The following NFX1 variants were observed in gnomAD, a reference collection of about 807,000 sequenced individuals.
NFX1 encodes nuclear transcription factor, X-box binding 1.
In NFX1, 69 loss-of-function variants were observed where a neutral mutation model predicts 137.2. The ratio of observed to expected loss-of-function variants is 0.50; its 90% CI spans 0.41 to 0.61. NFX1 has a LOEUF of 0.61. NFX1 is among the 20% of genes least tolerant of loss of function. NFX1 has a pLI of 0.00. For missense variants in NFX1, 1,167 were observed against 1,391.0 expected (o/e 0.84, Z 2.56); for synonymous variants, 495 against 474.1 (o/e 1.04, Z -0.57).
At chr9:33,318,205 C>T (rs771399317) in intron 7 of NFX1, among the ~76,000 whole-genome samples, 25 of 151,964 alleles carry the variant, frequency 1.6e-4, no homozygotes, top group Non-Finnish European at 1.6e-4. Context: ...TTTTTGGCAA[C>T]GGGGACCTTT....
chr9:33,331,760 T>C lies in NFX1; in HGVS notation c.2005-712T>C, dbSNP rs1381305191. Among the ~76,000 whole-genome samples, 4 of 152,180 alleles carry C rather than the reference T, an allele frequency of 2.6e-5. No individual in the cohort carries two copies. The South Asian group carries it at 6.2e-4, about 24-fold the overall frequency. ...CTTTTAAAGTCATTTTTCTCATTTC[T>C]GAGTACATGGCAACCTGTAAATGAC... On this transcript the variant is annotated intron_variant, in intron 10 of 23. Transcript: ENST00000379540.
intron 19 of NFX1, among the ~76,000 whole-genome samples, chr9:33,362,201 G>A (rs1303994235): frequency 5.3e-5 from 8 of 151,350 alleles, no homozygotes; most frequent in Non-Finnish European, 1.0e-4. Flanking sequence ...CAGCCACTAT[G>A]GAAAACAGTA....
At chr9:33,349,703 C>G (rs599279) in intron 15 of NFX1, among the ~76,000 whole-genome samples, 126,110 of 151,984 alleles carry the variant, frequency 0.83, 52,454 homozygotes, top group Non-Finnish European at 0.84. Context: ...GGGGTTCTAT[C>G]CCCTGTTGTC....
At chr9:33,330,907 G>A (rs1338732971) in intron 10 of NFX1, among the ~76,000 whole-genome samples, 1 of 152,154 alleles carries the variant, frequency 6.6e-6, no homozygotes, top group Non-Finnish European at 1.5e-5. Context: ...GGCTGGGTGT[G>A]GTGGCTCACG....
At chr9:33,363,949 G>A (rs1006679689) in intron 19 of NFX1, 61 bp from the exon 20 acceptor site, 6 of 1,126,454 alleles carry the variant, frequency 5.3e-6, no homozygotes, top group African/African-American at 4.8e-5. Context: ...GGCACTCGGG[G>A]TTACTGCAAG....
chr9:33,325,332 A>G (rs575744565), intron 9 of NFX1, among the ~76,000 whole-genome samples: 3 of 152,316 alleles, frequency 2.0e-5, no homozygotes, highest in Non-Finnish European at 4.4e-5. Flanking sequence ...CATCACAACC[A>G]GAAGGCAGTA....
intron 15 of NFX1, among the ~76,000 whole-genome samples, chr9:33,349,104 G>GT (rs1564140642): frequency 6.6e-6 from 1 of 152,106 alleles, no homozygotes; most frequent in East Asian, 1.9e-4. Flanking sequence ...ACATCAATGT[G>GT]TTATCTTCGT....
At chr9:33,315,097 G>A (rs936029430) in intron 7 of NFX1, among the ~76,000 whole-genome samples, 1 of 152,066 alleles carries the variant, frequency 6.6e-6, no homozygotes. Flanking sequence ...GTGTTGGCGG[G>A]CGCCGGTAAT....
chr9:33,349,533 T>C (rs991392119), intron 15 of NFX1, among the ~76,000 whole-genome samples: 1 of 152,148 alleles, frequency 6.6e-6, no homozygotes, highest in African/African-American at 2.4e-5. Flanking sequence ...GGAAGTCTCT[T>C]CAGGGGGAGA....
chr9:33,367,476 T>G (rs535136647), intron 22 of NFX1, 39 bp from the exon 23 acceptor site: 161 of 1,601,048 alleles, frequency 1.0e-4, no homozygotes, highest in Non-Finnish European at 1.3e-4. Context: ...CCACAAACAA[T>G]TCTCACTTTT....
intron 12 of NFX1, among the ~76,000 whole-genome samples, chr9:33,339,595 TC>T (rs1823143508): frequency 6.6e-6 from 1 of 152,070 alleles, no homozygotes; most frequent in South Asian, 2.1e-4. Context: ...TTTCCAACTG[TC>T]CCCCAAAGTC....
intron 3 of NFX1, among the ~76,000 whole-genome samples, chr9:33,301,733 G>T (rs1475338213): frequency 6.6e-6 from 1 of 151,890 alleles, no homozygotes; most frequent in Non-Finnish European, 1.5e-5. Flanking sequence ...ATAAACAGAA[G>T]TGTGATTGCA....
intron 21 of NFX1, 145 bp from the exon 22 acceptor site, chr9:33,366,484 C>T (rs904751600): frequency 1.1e-6 from 1 of 915,366 alleles, no homozygotes; most frequent in Non-Finnish European, 1.6e-6. Context: ...TCCAGGCTTG[C>T]TTGGCAGTTA....
At chr9:33,368,926 C>A (rs1369689718) in intron 23 of NFX1, among the ~76,000 whole-genome samples, 1 of 152,154 alleles carries the variant, frequency 6.6e-6, no homozygotes, top group Non-Finnish European at 1.5e-5. Flanking sequence ...AGGTTCTGGT[C>A]AGCACAGTCT....
At chr9:33,328,765 A>C in intron 10 of NFX1, 87 bp downstream of exon 10, 1 of 1,104,268 alleles carries the variant, frequency 9.1e-7, no homozygotes, top group South Asian at 1.3e-5. Context: ...AAATAACCTC[A>C]GTAGATTAGG....
chr9:33,367,503 G>A lies in NFX1; in HGVS notation c.3186-12G>A. 2 of 1,612,922 alleles carry A rather than the reference G, an allele frequency of 1.2e-6. No individual in the cohort carries two copies. The highest frequency in any genetic ancestry group is 4.5e-5 in the East Asian group (2 of 44,850). On this transcript the variant is annotated splice_polypyrimidine_tract_variant and intron_variant, in intron 22 of 23. Coordinates refer to ENST00000379540, the MANE Select transcript of NFX1 (RefSeq NM_002504.6). Reference sequence around the variant, plus strand: ...CTCACTTTTCAATGCTTGGTGTTTTGACTTTTATCAGGGGGAAGTCCGTTT... The same window carrying A: ...CTCACTTTTCAATGCTTGGTGTTTTAACTTTTATCAGGGGGAAGTCCGTTT...
intron 19 of NFX1, among the ~76,000 whole-genome samples, chr9:33,363,808 C>G (rs564751095): frequency 6.6e-6 from 1 of 152,206 alleles, no homozygotes; most frequent in Non-Finnish European, 1.5e-5. Context: ...TGCTCAGATC[C>G]TTATAGATCT....
intron 11 of NFX1, 133 bp downstream of exon 11, chr9:33,332,635 C>A: frequency 3.5e-6 from 2 of 566,844 alleles, no homozygotes; most frequent in Non-Finnish European, 6.2e-6. Context: ...ATAACTTTCA[C>A]CTCAAAAGGA....
At chr9:33,311,074 G>A in intron 5 of NFX1, 32 bp from the exon 6 acceptor site, 1 of 1,610,334 alleles carries the variant, frequency 6.2e-7, no homozygotes. Flanking sequence ...ATACATGGCT[G>A]TGGTTTATTC....
Sources: allele counts gnomAD v4.1 joint callset (sites outside exome capture counted in the v4.1 genomes callset), GRCh38; gene constraint gnomAD v4.1.1; transcripts MANE v1.5; gene names NCBI Gene and HGNC (gene_info 2026-07-23, HGNC 2026-07-21).